Variants in EBF2 observed in about 807,000 individuals in gnomAD.
EBF2 encodes the protein EBF transcription factor 2.
A neutral mutation model predicts 72.8 loss-of-function variants in EBF2; 21 were observed. The observed-to-expected ratio is 0.29, with a 90% CI of 0.20 to 0.42. EBF2 has a LOEUF of 0.42. Ranked by LOEUF, EBF2 falls within the 10% of genes least tolerant of loss-of-function variation. The pLI is 1.00. For missense variants in EBF2, 637 were observed against 731.2 expected (o/e 0.87, Z 1.49); for synonymous variants, 299 against 274.2 (o/e 1.09, Z -0.89).
intron 6 of EBF2, among the ~76,000 whole-genome samples, chr8:25,920,100 T>C (rs969081855): frequency 1.3e-5 from 2 of 152,122 alleles, no homozygotes; most frequent in Admixed American, 1.3e-4. Context: ...TGACAGCAGC[T>C]GGAATAATAA....
chr8:25,911,343 C>A (rs1440458217), intron 6 of EBF2, among the ~76,000 whole-genome samples: 1 of 152,194 alleles, frequency 6.6e-6, no homozygotes, highest in Non-Finnish European at 1.5e-5. Flanking sequence ...ATGCTACACA[C>A]GACAAAGCTT....
At chr8:25,889,676 C>T in intron 8 of EBF2, 76 bp downstream of exon 8, 1 of 1,169,384 alleles carries the variant, frequency 8.6e-7, no homozygotes, top group South Asian at 1.2e-5. Context: ...GACTCCAAGA[C>T]ATAAATTTGA....
chr8:26,040,832 G>A (rs552936507), intron 3 of EBF2, 107 bp downstream of exon 3: 27 of 1,537,990 alleles, frequency 1.8e-5, no homozygotes, highest in Non-Finnish European at 2.3e-5. Context: ...GCCTCCCGCC[G>A]CCCTGGGCTC....
intron 6 of EBF2, among the ~76,000 whole-genome samples, chr8:25,961,325 G>C (rs549338325): frequency 3.9e-5 from 6 of 152,188 alleles, no homozygotes; most frequent in African/African-American, 1.4e-4. Flanking sequence ...TGCTATTTAT[G>C]GGATATTTCA....
At chr8:25,927,917 G>A (rs1027790397) in intron 6 of EBF2, among the ~76,000 whole-genome samples, 6 of 152,086 alleles carry the variant, frequency 3.9e-5, no homozygotes, top group Non-Finnish European at 5.9e-5. Flanking sequence ...GCCCTGTCAT[G>A]AATAAAACCT....
intron 6 of EBF2, among the ~76,000 whole-genome samples, chr8:25,923,885 A>G (rs11776517): frequency 0.54 from 82,116 of 152,108 alleles, 24,726 homozygotes; most frequent in East Asian, 0.74. Context: ...CAGTTAGCAG[A>G]TTAATTTTGT....
chr8:25,899,101 C>T (rs1802904774), intron 7 of EBF2, among the ~76,000 whole-genome samples: 1 of 152,118 alleles, frequency 6.6e-6, no homozygotes, highest in African/African-American at 2.4e-5. Context: ...TGATTCTTGT[C>T]CCCATTCAAG....
At chr8:25,926,951 G>A (rs970921183) in intron 6 of EBF2, among the ~76,000 whole-genome samples, 9 of 152,164 alleles carry the variant, frequency 5.9e-5, no homozygotes, top group South Asian at 2.1e-4. Flanking sequence ...CAAGGATTCC[G>A]TAGATGAAAG....
chr8:25,951,447 G>A (rs979517949), intron 6 of EBF2, among the ~76,000 whole-genome samples: 3 of 152,104 alleles, frequency 2.0e-5, no homozygotes, highest in Non-Finnish European at 4.4e-5. Flanking sequence ...GATAAATGGT[G>A]GCACCACTGG....
At chr8:26,027,037 T>G (rs907360691) in intron 6 of EBF2, among the ~76,000 whole-genome samples, 3 of 152,202 alleles carry the variant, frequency 2.0e-5, no homozygotes, top group Admixed American at 6.5e-5. Context: ...AAATCTTCAC[T>G]CAGGAGATAA....
intron 10 of EBF2, among the ~76,000 whole-genome samples, chr8:25,871,739 GC>G (rs1563383495): frequency 6.6e-6 from 1 of 152,076 alleles, no homozygotes; most frequent in South Asian, 2.1e-4. Context: ...ATTTGGATCA[GC>G]CTTGAAAAAC....
chr8:25,996,729 A>C (rs752504482), intron 6 of EBF2, among the ~76,000 whole-genome samples: 1 of 152,164 alleles, frequency 6.6e-6, no homozygotes, highest in Non-Finnish European at 1.5e-5. Context: ...AATTGACAAT[A>C]AAATTAAATA....
chr8:26,040,796 A>G, intron 3 of EBF2, 125 bp from the exon 4 acceptor site: 2 of 1,473,214 alleles, frequency 1.4e-6, no homozygotes, highest in Non-Finnish European at 1.8e-6. Context: ...GGAGACGGTG[A>G]CCTCCCAATC....
At chr8:25,849,933 C>T (rs1454229052) in intron 15 of EBF2, among the ~76,000 whole-genome samples, 1 of 152,094 alleles carries the variant, frequency 6.6e-6, no homozygotes, top group African/African-American at 2.4e-5. Context: ...ATTAGGTAAG[C>T]AGAAAGCACC....
At chr8:25,847,017 G>T (rs777291618) in intron 15 of EBF2, among the ~76,000 whole-genome samples, 1 of 152,144 alleles carries the variant, frequency 6.6e-6, no homozygotes, top group Non-Finnish European at 1.5e-5. Context: ...AAGACACAGT[G>T]GGCTGCCAGA....
intron 10 of EBF2, among the ~76,000 whole-genome samples, chr8:25,872,501 A>T (rs1344645044): frequency 6.6e-6 from 1 of 152,198 alleles, no homozygotes; most frequent in Non-Finnish European, 1.5e-5. Context: ...GTGTTTGTGC[A>T]TCTGTGCATT....
At chr8:25,896,490 GA>G (rs796874499) in intron 7 of EBF2, among the ~76,000 whole-genome samples, 48 of 152,062 alleles carry the variant, frequency 3.2e-4, no homozygotes, top group African/African-American at 9.2e-4. Flanking sequence ...CCAAGAGTGG[GA>G]AAAAAAATTC....
In EBF2 at chr8:26,004,813, C is replaced by G. The variant is rs1020026955; in HGVS notation, c.551+28272G>C. ...AACAGTCCACTAAAAGGCACCTAAA[C>G]CCTTCAACTTCCAAATGGTGACTTC... On this transcript the variant is annotated intron_variant, in intron 6 of 15. Transcript: ENST00000520164. Among the ~76,000 whole-genome samples the G allele has an allele frequency of 3.0e-4, 46 of 151,500 alleles. 1 individual carries two copies. The highest frequency in any genetic ancestry group is 8.8e-5 in the Non-Finnish European group (6 of 67,946).
chr8:25,984,580 G>T (rs540853279), intron 6 of EBF2, among the ~76,000 whole-genome samples: 1 of 152,172 alleles, frequency 6.6e-6, no homozygotes, highest in African/African-American at 2.4e-5. Flanking sequence ...GACTCGGGAG[G>T]CTGAGACAGG....
Sources: allele counts gnomAD v4.1 joint callset (sites outside exome capture counted in the v4.1 genomes callset), GRCh38; gene constraint gnomAD v4.1.1; transcripts MANE v1.5; gene names NCBI Gene and HGNC (gene_info 2026-07-23, HGNC 2026-07-21).